APOOL: variants seen among roughly 807,000 people sequenced by gnomAD.
The protein encoded by APOOL is apolipoprotein O like.
APOOL carries 12 observed loss-of-function variants against 23.1 expected under a neutral mutation model. The ratio of observed to expected loss-of-function variants is 0.52; its 90% CI spans 0.33 to 0.84. The LOEUF (loss-of-function observed/expected upper bound fraction) is 0.84, where lower values mean the gene tolerates loss of function less well. Ranked by LOEUF, APOOL falls within the 40% of genes least tolerant of loss-of-function variation. APOOL has a pLI of 0.02. For synonymous variants in APOOL, 77 were observed against 69.9 expected (o/e 1.10, Z -0.51); for missense variants, 212 against 199.6 (o/e 1.06, Z -0.37).
In APOOL at chrX:85,090,021, G is replaced by A. The variant is rs1924479515; in HGVS notation, c.*2343G>A. 9.1e-6 allele frequency: 1 copy of A among 109,657 alleles called. No individual in the cohort carries two copies. Among genetic ancestry groups the A allele is most frequent in the Non-Finnish European group, 1.9e-5 (1 of 52,783 alleles). The allele number at this position is 109,657 out of a possible 1,213,427, so 9.0% of individuals were successfully genotyped here. The stretch of plus-strand genomic sequence containing the variant: ...ATAGCCTAGAATTAGGCAGTATAGG[G>A]TTGGGACAGTGGCTCATTGGTGCTA... On this transcript the variant is annotated 3_prime_UTR_variant, in exon 9 of 9. Coordinates refer to ENST00000373173, the MANE Select transcript of APOOL (RefSeq NM_198450.6).
intron 1 of APOOL, among the ~76,000 whole-genome samples, chrX:85,017,526 C>A (rs1318042391): frequency 9.0e-6 from 1 of 111,621 alleles, no homozygotes; most frequent in Non-Finnish European, 1.9e-5. Context: ...CCCGTTCACA[C>A]CCCCTATATT....
At chrX:85,078,525 A>G (rs753167312) in intron 8 of APOOL, among the ~76,000 whole-genome samples, 1 of 111,429 alleles carries the variant, frequency 9.0e-6, no homozygotes, top group African/African-American at 3.3e-5. Flanking sequence ...AGGTAGCGTG[A>G]TGCCTCCAGC....
At chrX:85,054,728 G>T (rs1405591747) in intron 4 of APOOL, among the ~76,000 whole-genome samples, 1 of 110,929 alleles carries the variant, frequency 9.0e-6, no homozygotes, top group Non-Finnish European at 1.9e-5. Context: ...GGTTAAGTAG[G>T]TTATCGAGCT....
intron 6 of APOOL, among the ~76,000 whole-genome samples, chrX:85,069,798 T>TA (rs1369281883): frequency 2.7e-5 from 3 of 109,815 alleles, no homozygotes; most frequent in Non-Finnish European, 3.8e-5. Flanking sequence ...TTAAAAACAT[T>TA]AAAAAAAATT....
Position 85,046,533 on chromosome X carries a change from C to G in APOOL, c.103C>G (p.Leu35Val). Residue 35 changes from leucine (L) to valine (V), a missense_variant, in exon 2 of 9, where the codon CTA (leucine) becomes GTA (valine). Leu to Val is a conservative substitution (Grantham distance 32). Transcript: ENST00000373173. ...AAKQEESKKQ[L>V]VKPEQLPIYT... ...CAAACAAGAGGAATCCAAAAAGCAG[C>G]TAGTGAAACCAGAGCAGGTAATTTG... 2.5e-6 allele frequency: 3 copies of G among 1,206,114 alleles called. No individual in the cohort carries two copies. The highest frequency in any genetic ancestry group is 4.4e-5 in the Admixed American group (2 of 45,644).
chrX:85,056,455 A>C (rs1020265103), intron 5 of APOOL, among the ~76,000 whole-genome samples: 2 of 112,110 alleles, frequency 1.8e-5, no homozygotes, highest in Non-Finnish European at 3.8e-5. Flanking sequence ...TGTTTAAAAA[A>C]ATTTTTGGCC....
intron 1 of APOOL, among the ~76,000 whole-genome samples, chrX:85,010,537 C>G (rs1332902815): frequency 1.8e-5 from 2 of 111,286 alleles, no homozygotes; most frequent in Non-Finnish European, 3.8e-5. Context: ...AGTGCATTAT[C>G]TTAATTTTAT....
chrX:85,008,239 G>C (rs768966020), intron 1 of APOOL, among the ~76,000 whole-genome samples: 1 of 111,452 alleles, frequency 9.0e-6, no homozygotes, highest in East Asian at 2.8e-4. Context: ...TAGTTTATAT[G>C]TATCACTTCA....
intron 6 of APOOL, among the ~76,000 whole-genome samples, chrX:85,067,853 AT>A (rs1455571972): frequency 4.5e-5 from 5 of 110,853 alleles, no homozygotes; most frequent in African/African-American, 9.9e-5. Flanking sequence ...TGGGTTATGC[AT>A]TTTTTCCCCT....
chrX:85,085,411 T>G (rs991348185), intron 8 of APOOL, among the ~76,000 whole-genome samples: 18 of 111,813 alleles, frequency 1.6e-4, no homozygotes, highest in African/African-American at 5.8e-4. Context: ...AGTTAAGAAT[T>G]TATTCTATGG....
rs200160535 is a variant in APOOL at position 85,055,894 on chromosome X, A to C, written c.363A>C (p.Ser121=). The C allele has an allele frequency of 1.4e-3, 1,661 of 1,201,123 alleles. 3 individuals are homozygous for C. Among genetic ancestry groups the C allele is most frequent in the Non-Finnish European group, 1.7e-3 (1,543 of 891,234 alleles). Residue 121 remains serine, a synonymous_variant, in exon 5 of 9, where the codon TCA becomes TCC. Coordinates refer to ENST00000373173, the MANE Select transcript of APOOL (RefSeq NM_198450.6). ...FLPKMGVITV[S]GLAGLVSARK... is the part of the protein sequence containing the mutation. ...CGAAAATGGGAGTTATTACAGTTTC[A>C]GGATTGGCGGGCTTGGTTTCAGCGA...
chrX:85,053,917 T>C (rs1922864635), intron 3 of APOOL, among the ~76,000 whole-genome samples: 1 of 111,599 alleles, frequency 9.0e-6, no homozygotes, highest in South Asian at 3.7e-4. Flanking sequence ...CCCTTTGCTT[T>C]AGGCTTTTTG....
intron 1 of APOOL, among the ~76,000 whole-genome samples, chrX:85,030,272 A>G (rs764027248): frequency 6.3e-5 from 7 of 111,224 alleles, no homozygotes; most frequent in Non-Finnish European, 1.3e-4. Context: ...ACCAAAAACC[A>G]TATGTTCTCA....
chrX:85,053,429 C>G (rs1337116623), intron 3 of APOOL, among the ~76,000 whole-genome samples: 2 of 111,599 alleles, frequency 1.8e-5, no homozygotes, highest in Non-Finnish European at 3.8e-5. Flanking sequence ...GACAAAATTA[C>G]AAAACCAAGC....
At chrX:85,068,001 T>C (rs1045368891) in intron 6 of APOOL, among the ~76,000 whole-genome samples, 3 of 111,321 alleles carry the variant, frequency 2.7e-5, no homozygotes, top group Non-Finnish European at 5.7e-5. Context: ...TAGAGAAAGT[T>C]GCCTATCAAT....
chrX:85,054,378 A>T lies in APOOL; in HGVS notation c.275A>T (p.Asp92Val). Residue 92 changes from aspartate to valine, a missense_variant, in exon 4 of 9, where the codon GAT becomes GTT. Physicochemically the swap from Asp to Val is radical, Grantham distance 152. Transcript: ENST00000373173. ...GTCTTTGTGAAAAATGGGATAATGG[A>T]TACAGTACAATTTGGAAAAGGTAGG... Reference protein sequence around the residue: ...VYVFVKNGIMDTVQFGKDAYV... With the variant: ...VYVFVKNGIMVTVQFGKDAYV... The T allele has an allele frequency of 8.4e-7, 1 of 1,188,508 alleles. No homozygotes were observed. Among genetic ancestry groups the T allele is most frequent in the Non-Finnish European group, 1.1e-6 (1 of 883,048 alleles).
intron 1 of APOOL, among the ~76,000 whole-genome samples, chrX:85,014,807 C>CT (rs1921412012): frequency 9.2e-6 from 1 of 109,236 alleles, no homozygotes; most frequent in Admixed American, 9.8e-5. Flanking sequence ...CGGTGATGAT[C>CT]TTTTTTGTGA....
intron 5 of APOOL, among the ~76,000 whole-genome samples, chrX:85,058,248 AGT>A (rs1923048681): frequency 1.9e-5 from 2 of 107,680 alleles, no homozygotes; most frequent in Admixed American, 2.0e-4. Flanking sequence ...AACAGGCCCC[AGT>A]GTGTGTTGTT....
chrX:85,024,514 A>G (rs1190948265), intron 1 of APOOL, among the ~76,000 whole-genome samples: 1 of 112,514 alleles, frequency 8.9e-6, no homozygotes, highest in Non-Finnish European at 1.9e-5. Flanking sequence ...TTTTATCCAG[A>G]TAAAGTCTAG....
Sources: gnomAD v4.1 joint callset for allele counts (sites outside exome capture counted in the v4.1 genomes callset) on GRCh38, gnomAD v4.1.1 for gene constraint, MANE v1.5 for transcripts, NCBI Gene and HGNC (gene_info 2026-07-23, HGNC 2026-07-21) for gene names.